GRIK1: variants seen among roughly 807,000 people sequenced by gnomAD.
GRIK1 encodes glutamate ionotropic receptor kainate type subunit 1.
In GRIK1, 69 loss-of-function variants were observed where a neutral mutation model predicts 105.7. That is an observed-to-expected ratio of 0.65 (90% CI 0.54 to 0.80). GRIK1 has a LOEUF of 0.80. GRIK1 is among the 30% of genes least tolerant of loss of function. The pLI, the probability that GRIK1 is intolerant of heterozygous loss-of-function variation, is 0.00. For missense variants in GRIK1, 1,109 were observed against 1,167.3 expected (o/e 0.95, Z 0.73); for synonymous variants, 438 against 431.3 (o/e 1.02, Z -0.19).
intron 1 of GRIK1, among the ~76,000 whole-genome samples, chr21:29,878,864 C>A (rs2069289276): frequency 6.6e-6 from 1 of 152,062 alleles, no homozygotes; most frequent in Non-Finnish European, 1.5e-5. Context: ...GTTTATAAGT[C>A]ACCGATTTTT....
intron 1 of GRIK1, among the ~76,000 whole-genome samples, chr21:29,858,169 G>A (rs563738214): frequency 6.6e-6 from 1 of 152,254 alleles, no homozygotes; most frequent in Admixed American, 6.5e-5. Context: ...AGAGTGCTGG[G>A]ATTACAGGCA....
chr21:29,819,793 G>A (rs574796115), intron 1 of GRIK1, among the ~76,000 whole-genome samples: 1 of 151,978 alleles, frequency 6.6e-6, no homozygotes, highest in African/African-American at 2.4e-5. Flanking sequence ...GAGCAAGCAA[G>A]GTCAAGGGAT....
chr21:29,546,811 G>A (rs927394892), intron 16 of GRIK1, among the ~76,000 whole-genome samples: 2 of 152,126 alleles, frequency 1.3e-5, no homozygotes, highest in African/African-American at 4.8e-5. Context: ...AAATCTGCAA[G>A]GACTACTTAA....
At chr21:29,873,486 C>G (rs1410712699) in intron 1 of GRIK1, among the ~76,000 whole-genome samples, 2 of 152,194 alleles carry the variant, frequency 1.3e-5, no homozygotes, top group Non-Finnish European at 2.9e-5. Context: ...ATCTGTAAAT[C>G]AACCACATAG....
intron 7 of GRIK1, among the ~76,000 whole-genome samples, chr21:29,605,041 T>C (rs975471283): frequency 1.3e-5 from 2 of 152,218 alleles, no homozygotes; most frequent in Non-Finnish European, 2.9e-5. Context: ...TTATTTTTTC[T>C]GAAAGGGAAT....
At chr21:29,937,797 AT>A (rs11410205) in intron 1 of GRIK1, among the ~76,000 whole-genome samples, 13,561 of 149,380 alleles carry the variant, frequency 0.091, 745 homozygotes, top group Non-Finnish European at 0.12. Context: ...TGTTCAGAAT[AT>A]TTTTTTTTTT....
chr21:29,700,510 A>G (rs2063791345), intron 1 of GRIK1, among the ~76,000 whole-genome samples: 1 of 152,196 alleles, frequency 6.6e-6, no homozygotes, highest in Non-Finnish European at 1.5e-5. Context: ...TTAATCCCAC[A>G]TTATATGGAG....
At chr21:29,916,347 A>G (rs759118832) in intron 1 of GRIK1, among the ~76,000 whole-genome samples, 16 of 151,950 alleles carry the variant, frequency 1.1e-4, no homozygotes, top group African/African-American at 1.7e-4. Flanking sequence ...TATTTTTGCT[A>G]TTACAACTCA....
intron 2 of GRIK1, among the ~76,000 whole-genome samples, chr21:29,690,704 C>A (rs974419037): frequency 6.6e-6 from 1 of 152,114 alleles, no homozygotes; most frequent in Non-Finnish European, 1.5e-5. Context: ...CTAAATACAT[C>A]AAGTCAATAT....
intron 7 of GRIK1, among the ~76,000 whole-genome samples, chr21:29,599,992 AG>A (rs1826734419): frequency 6.6e-6 from 1 of 152,164 alleles, no homozygotes; most frequent in Non-Finnish European, 1.5e-5. Context: ...AGGCTGAGTC[AG>A]GAGAATCGCT....
At chr21:29,547,948 G>T (rs761246107) in intron 16 of GRIK1, among the ~76,000 whole-genome samples, 28 of 152,154 alleles carry the variant, frequency 1.8e-4, no homozygotes, top group Non-Finnish European at 3.7e-4. Flanking sequence ...TAATTTCTTG[G>T]TTTTTGTGGC....
At chr21:29,847,852 A>G (rs1369926738) in intron 1 of GRIK1, among the ~76,000 whole-genome samples, 1 of 151,490 alleles carries the variant, frequency 6.6e-6, no homozygotes. Context: ...GATACTGCCT[A>G]ATTACTTTGT....
At chr21:29,898,674 G>T (rs1168373588) in intron 1 of GRIK1, among the ~76,000 whole-genome samples, 1 of 152,248 alleles carries the variant, frequency 6.6e-6, no homozygotes, top group South Asian at 2.1e-4. Context: ...ACAATTAATA[G>T]TTCTTTAATA....
intron 1 of GRIK1, among the ~76,000 whole-genome samples, chr21:29,897,180 A>G (rs1189879494): frequency 6.6e-6 from 1 of 152,198 alleles, no homozygotes; most frequent in African/African-American, 2.4e-5. Flanking sequence ...AGGTATTTCC[A>G]AAGTGTTATT....
intron 1 of GRIK1, among the ~76,000 whole-genome samples, chr21:29,896,482 A>G (rs2070165531): frequency 6.6e-6 from 1 of 152,210 alleles, no homozygotes; most frequent in Non-Finnish European, 1.5e-5. Flanking sequence ...TCCCTGCCAT[A>G]TCCCCAGTAT....
rs570916214 is a variant in GRIK1, at chr21:29,919,010, C to T, written c.118+20373G>A. On this transcript the variant is annotated intron_variant, in intron 1 of 17. Coordinates refer to ENST00000327783, the MANE Select transcript of GRIK1 (RefSeq NM_001330994.2). ...GAGAGTTAGCAACAGCTCTAAGCTA[C>T]CAGCAATGTATCAATCCTAGGGGTA... 3.8e-4 allele frequency among the ~76,000 whole-genome samples: 58 copies of T among 151,852 alleles called. 2 individuals carry two copies. The South Asian group carries it at 0.012, about 32-fold the overall frequency.
intron 15 of GRIK1, among the ~76,000 whole-genome samples, chr21:29,557,480 C>G (rs1300505001): frequency 6.6e-6 from 1 of 152,136 alleles, no homozygotes; most frequent in Non-Finnish European, 1.5e-5. Flanking sequence ...CGACAGTGTT[C>G]CCAACCATTA....
At chr21:29,811,860 G>A (rs1442330200) in intron 1 of GRIK1, among the ~76,000 whole-genome samples, 3 of 152,092 alleles carry the variant, frequency 2.0e-5, no homozygotes, top group Non-Finnish European at 2.9e-5. Context: ...GCGTGTTCCA[G>A]CCTCTCGGCT....
chr21:29,793,208 C>A (rs556092685), intron 1 of GRIK1, among the ~76,000 whole-genome samples: 6 of 152,264 alleles, frequency 3.9e-5, no homozygotes. Flanking sequence ...AGGGTGTCTA[C>A]GAGACTAAGC....
Sources: allele counts gnomAD v4.1 joint callset (sites outside exome capture counted in the v4.1 genomes callset), GRCh38; gene constraint gnomAD v4.1.1; transcripts MANE v1.5; gene names NCBI Gene and HGNC (gene_info 2026-07-23, HGNC 2026-07-21).